CAP2: variants seen among roughly 807,000 people sequenced by gnomAD.
CAP2 encodes the protein adenylyl cyclase-associated protein 2.
A neutral mutation model predicts 57.7 loss-of-function variants in CAP2; 24 were observed. That is an observed-to-expected ratio of 0.42 (90% CI 0.30 to 0.58). The LOEUF is 0.58. Among genes scored for constraint, CAP2 ranks in the 20% least tolerant of loss-of-function variants. CAP2 has a pLI of 0.22. For missense variants in CAP2, 501 were observed against 590.3 expected, an observed-to-expected ratio of 0.85 and a Z score of 1.57; for synonymous variants, 194 against 207.2, an observed-to-expected ratio of 0.94 and a Z score of 0.55.
intron 7 of CAP2, among the ~76,000 whole-genome samples, chr6:17,537,310 C>T (rs774209156): frequency 1.2e-4 from 19 of 152,138 alleles, no homozygotes; most frequent in Non-Finnish European, 2.1e-4. Flanking sequence ...CCTCAGCCTC[C>T]GCAGTAGCTG....
intron 9 of CAP2, among the ~76,000 whole-genome samples, 198 bp from the exon 10 acceptor site, chr6:17,542,639 C>T (rs1302196964): frequency 6.6e-6 from 1 of 152,208 alleles, no homozygotes; most frequent in East Asian, 1.9e-4. Context: ...GAGATACTGA[C>T]TTGCTTCCAA....
At chr6:17,500,404 G>A (rs1359896310) in intron 4 of CAP2, among the ~76,000 whole-genome samples, 2 of 120,604 alleles carry the variant, frequency 1.7e-5, no homozygotes, top group Non-Finnish European at 3.5e-5. Flanking sequence ...GAGTCTTGCT[G>A]TGTTGCCAGG....
chr6:17,503,094 A>G (rs1200227017), intron 4 of CAP2, among the ~76,000 whole-genome samples: 1 of 152,126 alleles, frequency 6.6e-6, no homozygotes, highest in African/African-American at 2.4e-5. Context: ...TGTTTGTTCT[A>G]TTGTTGAGAA....
At chr6:17,526,069 T>C (rs1190484337) in intron 7 of CAP2, among the ~76,000 whole-genome samples, 3 of 151,872 alleles carry the variant, frequency 2.0e-5, no homozygotes, top group Non-Finnish European at 4.4e-5. Flanking sequence ...AAAGCGTTAG[T>C]CCATTAACTA....
At chr6:17,399,871 G>T (rs1405060269) in intron 1 of CAP2, among the ~76,000 whole-genome samples, 4 of 152,092 alleles carry the variant, frequency 2.6e-5, no homozygotes, top group African/African-American at 9.7e-5. Flanking sequence ...AACCTAAATG[G>T]CAGTTCTGAA....
intron 1 of CAP2, among the ~76,000 whole-genome samples, chr6:17,412,656 A>C (rs1759168347): frequency 6.6e-6 from 1 of 152,152 alleles, no homozygotes; most frequent in Non-Finnish European, 1.5e-5. Context: ...TCCAGAGTGG[A>C]GGGGGCAAAT....
chr6:17,400,107 T>C (rs765038325), intron 1 of CAP2, among the ~76,000 whole-genome samples: 13 of 151,598 alleles, frequency 8.6e-5, no homozygotes, highest in Non-Finnish European at 1.3e-4. Context: ...GTGCCTGTAG[T>C]CCCAGCTACT....
At position 17,432,190 on chromosome 6, in the gene CAP2, C is replaced by T. The variant is rs529309872; in HGVS notation, c.222+5500C>T. Reference sequence around the variant, plus strand: ...ACAGAATATCTGCATGTTTATTTTACGGATGGTATCTTGTATTCTTTCAAT... The same window carrying T: ...ACAGAATATCTGCATGTTTATTTTATGGATGGTATCTTGTATTCTTTCAAT... On this transcript the variant is annotated intron_variant, in intron 3 of 12. Coordinates refer to ENST00000229922, the MANE Select transcript of CAP2 (RefSeq NM_006366.3). 4.6e-5 allele frequency among the ~76,000 whole-genome samples: 7 copies of T among 152,266 alleles called. No homozygotes were observed. In the East Asian group the frequency reaches 9.6e-4, roughly 21 times the overall value.
At chr6:17,515,257 A>G (rs1017951578) in intron 7 of CAP2, among the ~76,000 whole-genome samples, 1 of 152,176 alleles carries the variant, frequency 6.6e-6, no homozygotes, top group Non-Finnish European at 1.5e-5. Flanking sequence ...AGACAGGTGT[A>G]CATGGAAAGC....
chr6:17,507,250 A>G lies in CAP2; in HGVS notation c.382A>G (p.Asn128Asp). The change falls in exon 5 of 13, where the codon AAC (asparagine) becomes GAC (aspartate). Residue 128 changes from asparagine to aspartate, a missense_variant. Asn to Asp is a conservative substitution (Grantham distance 23, BLOSUM62 1). Transcript: ENST00000229922. Reference protein sequence around the residue: ...QTFRERNRGSNMFNHLSAVSE... With the variant: ...QTFRERNRGSDMFNHLSAVSE... ...TTTCAGAGAGAGAAACCGGGGGAGT[A>G]ACATGTTTAATCATCTTTCGGCCGT... is the stretch of plus-strand genomic sequence containing the variant. 1 of 1,614,216 alleles carries G rather than the reference A, an allele frequency of 6.2e-7. No individual in the cohort carries two copies. Among genetic ancestry groups the G allele is most frequent in the Non-Finnish European group, 8.5e-7 (1 of 1,180,008 alleles).
intron 4 of CAP2, among the ~76,000 whole-genome samples, chr6:17,473,368 T>G (rs1026720026): frequency 1.1e-4 from 16 of 152,178 alleles, no homozygotes; most frequent in African/African-American, 3.9e-4. Flanking sequence ...AATAAAATAA[T>G]TATCAACGAT....
intron 3 of CAP2, among the ~76,000 whole-genome samples, chr6:17,459,063 G>C (rs1474772293): frequency 6.6e-6 from 1 of 152,138 alleles, no homozygotes; most frequent in Admixed American, 6.5e-5. Flanking sequence ...ATCAGGAAAG[G>C]AGAATATGAA....
At chr6:17,463,105 C>T in intron 4 of CAP2, 32 bp downstream of exon 4, 1 of 1,474,048 alleles carries the variant, frequency 6.8e-7, no homozygotes, top group South Asian at 1.1e-5. Flanking sequence ...GAAGGTGTCC[C>T]AGGGTATGCG....
intron 9 of CAP2, among the ~76,000 whole-genome samples, chr6:17,541,631 C>A (rs1170166852): frequency 6.6e-6 from 1 of 152,060 alleles, no homozygotes; most frequent in Non-Finnish European, 1.5e-5. Flanking sequence ...GTGTCCATTA[C>A]CTTGAGTATT....
At chr6:17,462,901 C>G in intron 3 of CAP2, 95 bp from the exon 4 acceptor site, 1 of 880,298 alleles carries the variant, frequency 1.1e-6, no homozygotes, top group Non-Finnish European at 1.9e-6. Context: ...TTTCATTTTT[C>G]TTGGGTATAT....
In CAP2 at chr6:17,510,065, G is replaced by T. The variant is rs544069821; in HGVS notation, c.530+2339G>T. ...AGAAAGAGAAAGTAGATTAACAGTT[G>T]CCTAGGGCTGGAGAAATTTAGGGAA... On this transcript the variant is annotated intron_variant, in intron 6 of 12. Coordinates refer to ENST00000229922, the MANE Select transcript of CAP2 (RefSeq NM_006366.3). Among the ~76,000 whole-genome samples the T allele has an allele frequency of 1.2e-3, 176 of 152,254 alleles. 4 individuals carry two copies. In the South Asian group the frequency reaches 0.035, roughly 30 times the overall value.
At chr6:17,404,069 T>A (rs1285446280) in intron 1 of CAP2, among the ~76,000 whole-genome samples, 1 of 152,220 alleles carries the variant, frequency 6.6e-6, no homozygotes, top group Non-Finnish European at 1.5e-5. Flanking sequence ...GGTCAGTAAT[T>A]GTGGCAAAAC....
chr6:17,479,804 A>C (rs1210729806), intron 4 of CAP2, among the ~76,000 whole-genome samples: 1 of 151,634 alleles, frequency 6.6e-6, no homozygotes, highest in Admixed American at 6.6e-5. Flanking sequence ...TTTAGTAGAC[A>C]TGGGGTTTCA....
In CAP2 at chr6:17,437,383, CT is replaced by C. The variant is rs567224705; in HGVS notation, c.222+10694del. On this transcript the variant is annotated intron_variant, in intron 3 of 12. Coordinates refer to ENST00000229922, the MANE Select transcript of CAP2 (RefSeq NM_006366.3). ...GGGAAGGGCATTGTGCTTTTGAGAT[CT>C]GTTGTAAATTGCCTTCCATGGGGAT... is the stretch of plus-strand genomic sequence containing the variant. 3.6e-3 allele frequency among the ~76,000 whole-genome samples: 547 copies of C among 152,192 alleles called. 6 individuals carry two copies. Among genetic ancestry groups the C allele is most frequent in the African/African-American group, 0.013 (532 of 41,528 alleles).
Sources: gnomAD v4.1 joint callset for allele counts (sites outside exome capture counted in the v4.1 genomes callset) on GRCh38, gnomAD v4.1.1 for gene constraint, MANE v1.5 for transcripts, NCBI Gene and HGNC (gene_info 2026-07-23, HGNC 2026-07-21) for gene names.